NAALADL2: variants seen among roughly 807,000 people sequenced by gnomAD.
The protein encoded by NAALADL2 is inactive N-acetylated-alpha-linked acidic dipeptidase-like protein 2.
NAALADL2 carries 76 observed loss-of-function variants against 87.2 expected under a neutral mutation model. That is an observed-to-expected ratio of 0.87 (90% CI 0.72 to 1.05). NAALADL2 has a LOEUF of 1.05. Ranked by LOEUF, NAALADL2 falls within the 50% of genes least tolerant of loss-of-function variation. The probability of loss-of-function intolerance (pLI) is 0.00; values close to 1 mark genes in which losing one functional copy is unlikely to be tolerated. For missense variants in NAALADL2, 1,089 were observed against 945.8 expected, an observed-to-expected ratio of 1.15 and a Z score of -1.99; for synonymous variants, 354 against 331.0, an observed-to-expected ratio of 1.07 and a Z score of -0.75.
chr3:175,098,932 T>C (rs967394711), intron 2 of NAALADL2, among the ~76,000 whole-genome samples: 5 of 152,024 alleles, frequency 3.3e-5, no homozygotes, highest in African/African-American at 1.2e-4. Flanking sequence ...TAGTTTTTAA[T>C]TTATTGACAC....
intron 4 of NAALADL2, among the ~76,000 whole-genome samples, chr3:175,305,244 TTGTGTATG>T (rs1757553998): frequency 7.6e-6 from 1 of 131,658 alleles, no homozygotes; most frequent in African/African-American, 3.4e-5. Flanking sequence ...GTGTGTGTGT[TTGTGTATG>T]TGTGTGTGTG....
chr3:174,972,082 C>T (rs1047842559), intron 1 of NAALADL2, among the ~76,000 whole-genome samples: 7 of 152,112 alleles, frequency 4.6e-5, no homozygotes, highest in Non-Finnish European at 1.0e-4. Flanking sequence ...CCTCATTGGT[C>T]ACAGTCACCG....
chr3:175,709,505 C>T (rs1740223697), intron 11 of NAALADL2, among the ~76,000 whole-genome samples: 1 of 152,066 alleles, frequency 6.6e-6, no homozygotes, highest in African/African-American at 2.4e-5. Flanking sequence ...ATTCTTGACC[C>T]ATTCCATTGG....
At chr3:174,831,628 G>A in intron 3 of NAALADL2, among the ~76,000 whole-genome samples, 1 of 151,208 alleles carries the variant, frequency 6.6e-6, no homozygotes, top group East Asian at 1.9e-4. Context: ...CTCATAAAAA[G>A]AGTTAGGGAG....
chr3:175,269,310 C>T (rs1054058428), intron 4 of NAALADL2, among the ~76,000 whole-genome samples: 1 of 152,102 alleles, frequency 6.6e-6, no homozygotes, highest in Non-Finnish European at 1.5e-5. Context: ...ATAGTAAATA[C>T]ACAAACCACT....
At chr3:175,182,396 T>C (rs1736696268) in intron 2 of NAALADL2, among the ~76,000 whole-genome samples, 1 of 151,956 alleles carries the variant, frequency 6.6e-6, no homozygotes, top group South Asian at 2.1e-4. Context: ...TTTTTGTTTA[T>C]TTGTTTTTTG....
At chr3:175,357,658 C>T (rs1019610807) in intron 5 of NAALADL2, among the ~76,000 whole-genome samples, 3 of 152,082 alleles carry the variant, frequency 2.0e-5, no homozygotes, top group Non-Finnish European at 2.9e-5. Flanking sequence ...TCAAATGGCT[C>T]ATAGTTCTGA....
chr3:174,678,333 AAACAGGTAC>A (rs1456570534), intron 2 of NAALADL2, among the ~76,000 whole-genome samples: 1 of 152,132 alleles, frequency 6.6e-6, no homozygotes, highest in Non-Finnish European at 1.5e-5. Flanking sequence ...TTTTCTTAGT[AAACAGGTAC>A]AACAGTTATC....
chr3:175,114,984 T>C (rs1447586848), intron 2 of NAALADL2, among the ~76,000 whole-genome samples: 1 of 151,642 alleles, frequency 6.6e-6, no homozygotes, highest in African/African-American at 2.4e-5. Flanking sequence ...TTCCTAGATA[T>C]GTATGGTAAA....
chr3:175,722,032 A>G (rs1394870272), intron 11 of NAALADL2, among the ~76,000 whole-genome samples: 1 of 152,092 alleles, frequency 6.6e-6, no homozygotes, highest in Non-Finnish European at 1.5e-5. Flanking sequence ...ATACCCACAC[A>G]CCATCAATTT....
intron 1 of NAALADL2, among the ~76,000 whole-genome samples, chr3:174,927,544 T>G (rs9823345): frequency 0.38 from 57,093 of 151,830 alleles, 11,507 homozygotes; most frequent in African/African-American, 0.53. Context: ...AGAACTCAGG[T>G]TTAAGAAACT....
Position 175,602,105 on chromosome 3 carries a change from C to G in NAALADL2, c.1801-25186C>G, listed in dbSNP as rs146846011. 3.0e-3 allele frequency among the ~76,000 whole-genome samples: 462 copies of G among 151,736 alleles called. 1 individual carries two copies. Among genetic ancestry groups the G allele is most frequent in the African/African-American group, 0.011 (438 of 41,380 alleles). On this transcript the variant is annotated intron_variant, in intron 10 of 13. Transcript: ENST00000454872. ...AGGGAGTTTTTCCAGCATTAATGAC[C>G]TATAAGCATCTCTTCAAAAAGTGTG...
chr3:175,627,739 G>T (rs1253845795), intron 11 of NAALADL2, among the ~76,000 whole-genome samples: 1 of 151,582 alleles, frequency 6.6e-6, no homozygotes, highest in Non-Finnish European at 1.5e-5. Flanking sequence ...GATTAAACTA[G>T]GTGACATATG....
rs140830475 is a variant in NAALADL2, at chr3:175,424,999, G to A, written c.1091-22230G>A. Among the ~76,000 whole-genome samples the A allele has an allele frequency of 1.5e-3, 230 of 152,168 alleles. 1 individual carries two copies. Among genetic ancestry groups the A allele is most frequent in the African/African-American group, 5.4e-3 (225 of 41,528 alleles). ...GTGGTGAATTCAACTACTGTAGGGA[G>A]GTGAGGATAAAGAAAACTGTTTAAA... is the stretch of plus-strand genomic sequence containing the variant. On this transcript the variant is annotated intron_variant, in intron 5 of 13. Transcript: ENST00000454872.
chr3:175,745,718 G>A (rs551798051), intron 12 of NAALADL2, among the ~76,000 whole-genome samples: 18 of 152,036 alleles, frequency 1.2e-4, no homozygotes, highest in Non-Finnish European at 2.5e-4. Context: ...TAGTTTGCAG[G>A]GGCAGAGGAA....
intron 3 of NAALADL2, among the ~76,000 whole-genome samples, chr3:174,790,553 C>T (rs1034179168): frequency 1.3e-5 from 2 of 151,684 alleles, no homozygotes; most frequent in Admixed American, 6.6e-5. Flanking sequence ...AAGGCTGAGG[C>T]AGGAGAATTG....
chr3:174,637,256 T>A (rs929986495), intron 2 of NAALADL2, among the ~76,000 whole-genome samples: 1 of 152,002 alleles, frequency 6.6e-6, no homozygotes, highest in African/African-American at 2.4e-5. Flanking sequence ...TTCTAATGTT[T>A]TATAGCAGAG....
chr3:175,116,037 C>T (rs1002897704), intron 2 of NAALADL2, among the ~76,000 whole-genome samples: 6 of 151,790 alleles, frequency 4.0e-5, no homozygotes, highest in Admixed American at 2.0e-4. Flanking sequence ...ATTCAACAGC[C>T]TTCATGCAAA....
intron 1 of NAALADL2, among the ~76,000 whole-genome samples, chr3:174,464,734 T>C (rs2108298150): frequency 6.6e-6 from 1 of 152,150 alleles, no homozygotes; most frequent in South Asian, 2.1e-4. Context: ...TAACATGCAA[T>C]ACATATAGTA....
Sources: allele counts gnomAD v4.1 joint callset (sites outside exome capture counted in the v4.1 genomes callset), GRCh38; gene constraint gnomAD v4.1.1; transcripts MANE v1.5; gene names NCBI Gene and HGNC (gene_info 2026-07-23, HGNC 2026-07-21).